Variants in MMS22L observed in about 807,000 individuals in gnomAD.
MMS22L encodes MMS22 like, DNA repair protein, also known as protein MMS22-like.
In MMS22L, 74 loss-of-function variants were observed where a neutral mutation model predicts 159.1. That is an observed-to-expected ratio of 0.47 (90% CI 0.39 to 0.56). The LOEUF (loss-of-function observed/expected upper bound fraction) is 0.56. Among genes scored for constraint, MMS22L ranks in the 20% least tolerant of loss-of-function variants. The pLI is 0.00. For missense variants in MMS22L, 1,351 were observed against 1,422.1 expected, an observed-to-expected ratio of 0.95 and a Z score of 0.80; for synonymous variants, 517 against 506.9, an observed-to-expected ratio of 1.02 and a Z score of -0.27.
chr6:97,273,192 T>C lies in MMS22L; in HGVS notation c.341-130A>G, dbSNP rs113302360. The C allele has an allele frequency of 1.8e-4, 134 of 744,844 alleles. 1 individual carries two copies. In the African/African-American group the frequency reaches 2.1e-3, roughly 12 times the overall value. The allele number at this position is 744,844 out of a possible 1,614,324, so 46.1% of individuals were successfully genotyped here. On this transcript the variant is annotated intron_variant, in intron 4 of 24. Transcript: ENST00000683635. ...TTTTATATTAAACATTCTCTTATGG[T>C]TCTTGCTCCCCGCTACTCCTCAAAA...
intron 14 of MMS22L, among the ~76,000 whole-genome samples, chr6:97,215,112 A>ATT (rs1168133987): frequency 7.1e-4 from 57 of 80,068 alleles, no homozygotes; most frequent in African/African-American, 1.2e-3. Flanking sequence ...ATATATATAT[A>ATT]TATTTTTTTT....
At chr6:97,283,823 T>G (rs547575545), upstream of MMS22L, among the ~76,000 whole-genome samples, 2 of 152,320 alleles carry the variant, frequency 1.3e-5, no homozygotes, top group Admixed American at 6.5e-5. Flanking sequence ...TCATCAACTT[T>G]AAAAAGATTT....
chr6:97,181,149 T>C (rs1562426553), intron 16 of MMS22L, among the ~76,000 whole-genome samples: 2 of 152,040 alleles, frequency 1.3e-5, no homozygotes, highest in African/African-American at 2.4e-5. Flanking sequence ...AAGTGGCAAG[T>C]AGAATAAAAA....
chr6:97,232,710 A>G (rs1293547854), intron 12 of MMS22L, among the ~76,000 whole-genome samples: 3 of 152,098 alleles, frequency 2.0e-5, no homozygotes, highest in African/African-American at 7.2e-5. Flanking sequence ...ACAATCAGTC[A>G]TTTCTCCAAC....
chr6:97,217,398 T>C (rs1233515721), intron 14 of MMS22L, among the ~76,000 whole-genome samples: 1 of 151,904 alleles, frequency 6.6e-6, no homozygotes, highest in East Asian at 1.9e-4. Context: ...GGATTACAGG[T>C]GCCCACCACC....
In MMS22L at chr6:97,150,028, T is replaced by G. The variant is rs1801165377; in HGVS notation, c.3483-8A>C. Reference sequence around the variant, plus strand: ...TAATCCTGGATAAACTGCCTGAAAGTAAAACAGGTTTATTTAGGATTACTC... The same window carrying G: ...TAATCCTGGATAAACTGCCTGAAAGGAAAACAGGTTTATTTAGGATTACTC... On this transcript the variant is annotated splice_polypyrimidine_tract_variant and splice_region_variant and intron_variant, in intron 23 of 24. Transcript: ENST00000683635. 2 of 1,612,130 alleles carry G rather than the reference T, an allele frequency of 1.2e-6. No homozygotes were observed. Among genetic ancestry groups the G allele is most frequent in the Admixed American group, 1.7e-5 (1 of 59,788 alleles).
chr6:97,206,800 A>G (rs1807839192), intron 14 of MMS22L, among the ~76,000 whole-genome samples: 1 of 152,150 alleles, frequency 6.6e-6, no homozygotes, highest in African/African-American at 2.4e-5. Context: ...TACTCAGTAC[A>G]AAGTTGGCAT....
intron 9 of MMS22L, among the ~76,000 whole-genome samples, chr6:97,262,786 AAC>A (rs1416396992): frequency 1.3e-5 from 2 of 152,326 alleles, no homozygotes; most frequent in South Asian, 2.1e-4. Context: ...ACCGTTTTAC[AAC>A]AGACTGTTTT....
At chr6:97,232,843 G>T (rs1292832303) in intron 12 of MMS22L, among the ~76,000 whole-genome samples, 3 of 151,840 alleles carry the variant, frequency 2.0e-5, no homozygotes, top group Non-Finnish European at 4.4e-5. Flanking sequence ...TTGATTGAGA[G>T]GTTCACTAAT....
chr6:97,219,077 C>T (rs1217482417), intron 14 of MMS22L, among the ~76,000 whole-genome samples: 1 of 152,146 alleles, frequency 6.6e-6, no homozygotes, highest in Non-Finnish European at 1.5e-5. Flanking sequence ...ATGATCCAAT[C>T]ACCTCTGTCC....
In MMS22L at chr6:97,162,053, G is replaced by T; in HGVS notation, c.3334C>A (p.Leu1112Ile). 3 of 1,612,326 alleles carry T rather than the reference G, an allele frequency of 1.9e-6. No individual in the cohort carries two copies. The highest frequency in any genetic ancestry group is 2.5e-6 in the Non-Finnish European group (3 of 1,179,042). Residue 1112 changes from leucine to isoleucine, a missense_variant, in exon 22 of 25, where the codon CTA becomes ATA. Physicochemically the swap from Leu to Ile is conservative, Grantham distance 5. Coordinates refer to ENST00000683635, the MANE Select transcript of MMS22L (RefSeq NM_001350599.2). ...ETNTDIYEVE[L>I]LLPGILKCLV... Reference sequence around the variant, plus strand: ...CATTTTAAAATGCCAGGGAGGAGTAGTTCAACTTCATAAATGTCTGTGTTA... The same window carrying T: ...CATTTTAAAATGCCAGGGAGGAGTATTTCAACTTCATAAATGTCTGTGTTA...
chr6:97,151,011 G>A (rs909001950), intron 23 of MMS22L, among the ~76,000 whole-genome samples: 1 of 152,012 alleles, frequency 6.6e-6, no homozygotes, highest in Non-Finnish European at 1.5e-5. Context: ...TAAACATAAC[G>A]GAGCTTTCTG....
chr6:97,278,742 C>T (rs919777665), intron 4 of MMS22L, 107 bp downstream of exon 4: 4 of 833,216 alleles, frequency 4.8e-6, no homozygotes, highest in South Asian at 4.5e-5. Context: ...TGGCCTAATG[C>T]TTCCTCTGTA....
intron 20 of MMS22L, 26 bp downstream of exon 20, chr6:97,168,045 C>G: frequency 6.6e-7 from 1 of 1,525,630 alleles, no homozygotes; most frequent in East Asian, 2.4e-5. Flanking sequence ...TTTTTTTAAA[C>G]TTTTAAGCAA....
chr6:97,214,605 T>C (rs956492816), intron 14 of MMS22L, among the ~76,000 whole-genome samples: 2 of 151,838 alleles, frequency 1.3e-5, no homozygotes, highest in Non-Finnish European at 2.9e-5. Context: ...CAGCCTAATA[T>C]TGATTTCTTA....
At chr6:97,155,404 G>A (rs1421492491) in intron 22 of MMS22L, among the ~76,000 whole-genome samples, 1 of 152,060 alleles carries the variant, frequency 6.6e-6, no homozygotes, top group African/African-American at 2.4e-5. Context: ...ATGTTGGTTT[G>A]CTGCACCCAT....
At chr6:97,188,888 G>A (rs947675069) in intron 14 of MMS22L, among the ~76,000 whole-genome samples, 3 of 152,120 alleles carry the variant, frequency 2.0e-5, no homozygotes, top group Admixed American at 2.0e-4. Context: ...CTTGAACCCA[G>A]GAGGTGGAGG....
chr6:97,208,011 T>C (rs1249849261), intron 14 of MMS22L, among the ~76,000 whole-genome samples: 1 of 152,198 alleles, frequency 6.6e-6, no homozygotes, highest in African/African-American at 2.4e-5. Context: ...GTAAAAGATG[T>C]ATTTAAGTAT....
At chr6:97,250,555 T>C (rs896961884) in intron 10 of MMS22L, among the ~76,000 whole-genome samples, 13 of 152,168 alleles carry the variant, frequency 8.5e-5, no homozygotes, top group African/African-American at 3.1e-4. Context: ...TAACCCACTC[T>C]CATCTTGTCT....
Sources: allele counts gnomAD v4.1 joint callset (sites outside exome capture counted in the v4.1 genomes callset), GRCh38; gene constraint gnomAD v4.1.1; transcripts MANE v1.5; gene names NCBI Gene and HGNC (gene_info 2026-07-23, HGNC 2026-07-21).